The following NBAS variants were observed in gnomAD, a reference collection of about 807,000 sequenced individuals.
NBAS encodes NBAS subunit of NRZ tethering complex, also known as NAG/BC035112 fusion.
Under a neutral mutation model 302.5 loss-of-function variants are expected in NBAS, and 219 were observed. That is an observed-to-expected ratio of 0.72 (90% confidence interval 0.65 to 0.81). The LOEUF (loss-of-function observed/expected upper bound fraction) is 0.81, where lower values mean the gene tolerates loss of function less well. NBAS is among the 30% of genes least tolerant of loss of function. NBAS has a pLI of 0.00. For missense variants in NBAS, 2,932 were observed against 2,841.6 expected, an observed-to-expected ratio of 1.03 and a Z score of -0.72; for synonymous variants, 1,118 against 1,021.6, an observed-to-expected ratio of 1.09 and a Z score of -1.80.
At chr2:15,507,910 T>C (rs537811107) in intron 10 of NBAS, among the ~76,000 whole-genome samples, 2 of 152,338 alleles carry the variant, frequency 1.3e-5, no homozygotes, top group South Asian at 4.1e-4. Context: ...TTTTACAACC[T>C]AGCAGCCTTG....
chr2:14,838,218 C>G, the NBAS span, among the ~76,000 whole-genome samples: 1 of 151,928 alleles, frequency 6.6e-6, no homozygotes, highest in East Asian at 1.9e-4. Flanking sequence ...GCCCATTTTA[C>G]TTTATGTCTC....
chr2:15,420,874 T>TAATAAAGGCCCACTCACA (rs1403976605), intron 23 of NBAS, among the ~76,000 whole-genome samples: 1 of 151,906 alleles, frequency 6.6e-6, no homozygotes, highest in Non-Finnish European at 1.5e-5. Flanking sequence ...TGCCACGCAA[T>TAATAAAGGCCCACTCACA]AATAAAGGCC....
chr2:15,186,630 G>C, intron 50 of NBAS, 112 bp downstream of exon 50: 1 of 1,487,318 alleles, frequency 6.7e-7, no homozygotes, highest in Non-Finnish European at 9.3e-7. Flanking sequence ...GCCTTTACCA[G>C]TAATTACTTA....
chr2:15,315,356 C>T lies in NBAS; in HGVS notation c.4583-6109G>A, dbSNP rs117736780. On this transcript the variant is annotated intron_variant, in intron 38 of 51. Transcript: ENST00000281513. ...GTACACAGGAGTGTACGGGAGTGAA[C>T]GGAGAATGAGCAGGATTGAACAGGA... Among the ~76,000 whole-genome samples, 68 of 152,062 alleles carry T rather than the reference C, an allele frequency of 4.5e-4. 1 individual carries two copies. In the East Asian group the frequency reaches 0.011, roughly 25 times the overall value.
intron 28 of NBAS, among the ~76,000 whole-genome samples, chr2:15,393,459 A>G (rs1273249469): frequency 2.0e-5 from 3 of 152,128 alleles, no homozygotes; most frequent in East Asian, 1.9e-4. Context: ...AGAGCAATCA[A>G]TGTAGGATGC....
the NBAS span, among the ~76,000 whole-genome samples, chr2:15,090,454 C>A: frequency 1.8e-4 from 27 of 152,340 alleles, no homozygotes; most frequent in Admixed American, 1.6e-3. Context: ...GCAACAGCTG[C>A]AGGACTGTCA....
chr2:14,991,391 G>A, the NBAS span, among the ~76,000 whole-genome samples: 46 of 152,244 alleles, frequency 3.0e-4, no homozygotes, highest in Admixed American at 7.9e-4. Flanking sequence ...AGAAATAATA[G>A]ATGTAATCAT....
At chr2:15,219,459 G>A (rs1360797135) in intron 47 of NBAS, among the ~76,000 whole-genome samples, 1 of 140,856 alleles carries the variant, frequency 7.1e-6, no homozygotes, top group East Asian at 2.1e-4. Flanking sequence ...TTCCTAGGCA[G>A]AGGACCCTGC....
the NBAS span, among the ~76,000 whole-genome samples, chr2:15,051,979 T>G: frequency 6.6e-6 from 1 of 152,304 alleles, no homozygotes; most frequent in South Asian, 2.1e-4. Flanking sequence ...TGTTCTCTCT[T>G]CCTTCTATGC....
intron 28 of NBAS, 65 bp from the exon 29 acceptor site, chr2:15,383,382 A>T: frequency 6.6e-7 from 1 of 1,507,538 alleles, no homozygotes; most frequent in Non-Finnish European, 9.2e-7. Flanking sequence ...CTTTCTTCAA[A>T]TGATCTAAAG....
intron 7 of NBAS, chr2:15,538,261 G>A: frequency 2.9e-6 from 1 of 350,556 alleles, no homozygotes; most frequent in Non-Finnish European, 5.8e-6. Context: ...AGCTCATATT[G>A]TATTTCTTTT....
the NBAS span, among the ~76,000 whole-genome samples, chr2:14,984,879 T>C: frequency 6.6e-6 from 1 of 152,160 alleles, no homozygotes; most frequent in Admixed American, 6.5e-5. Context: ...CCCCAGCCTG[T>C]GAGATGCCTC....
chr2:15,274,604 C>T (rs1669483622), intron 44 of NBAS, among the ~76,000 whole-genome samples: 1 of 152,052 alleles, frequency 6.6e-6, no homozygotes, highest in African/African-American at 2.4e-5. Flanking sequence ...GGAGAACCCA[C>T]ATTATCTATT....
the NBAS span, among the ~76,000 whole-genome samples, chr2:14,993,732 C>T: frequency 6.6e-6 from 1 of 152,166 alleles, no homozygotes; most frequent in East Asian, 1.9e-4. Context: ...CCAACTCAAA[C>T]ACTCCTAAAT....
At chr2:15,171,819 G>A (rs547185551) in intron 51 of NBAS, among the ~76,000 whole-genome samples, 324 of 152,292 alleles carry the variant, frequency 2.1e-3, no homozygotes, top group African/African-American at 5.2e-3. Flanking sequence ...GACAGGACAC[G>A]CACACAAAGC....
chr2:15,266,576 A>T (rs960242672), intron 44 of NBAS, among the ~76,000 whole-genome samples: 2 of 152,218 alleles, frequency 1.3e-5, no homozygotes, highest in African/African-American at 2.4e-5. Flanking sequence ...CTGAAGATTT[A>T]AAAAATATAA....
Position 15,554,040 on chromosome 2 carries a change from T to TA in NBAS, c.287+20_287+21insT, listed in dbSNP as rs34789730. On this transcript the variant is annotated intron_variant, in intron 4 of 51. Transcript: ENST00000281513. ...AAAAGCTAATCCAGACAGAAAAACA[T>TA]TGAATTTCACACTTCCTTACCTTGC... 0.65 allele frequency: 1,041,216 copies of TA among 1,600,124 alleles called. 344,397 individuals carry two copies. Among genetic ancestry groups the TA allele is most frequent in the Non-Finnish European group, 0.68 (791,679 of 1,167,984 alleles).
At chr2:14,791,698 G>A in the NBAS span, among the ~76,000 whole-genome samples, 1 of 151,994 alleles carries the variant, frequency 6.6e-6, no homozygotes, top group African/African-American at 2.4e-5. Flanking sequence ...CAGCTACTCG[G>A]GAAGCTGAGG....
chr2:14,946,157 G>C, the NBAS span, among the ~76,000 whole-genome samples: 1 of 152,170 alleles, frequency 6.6e-6, no homozygotes, highest in South Asian at 2.1e-4. Context: ...AGAGTAAAAA[G>C]TTTATCAAGG....
Sources: allele counts gnomAD v4.1 joint callset (sites outside exome capture counted in the v4.1 genomes callset), GRCh38; gene constraint gnomAD v4.1.1; transcripts MANE v1.5; gene names NCBI Gene and HGNC (gene_info 2026-07-23, HGNC 2026-07-21).